The following STRN3 variants were observed in gnomAD, a reference collection of about 807,000 sequenced individuals.
STRN3 encodes striatin-3.
In STRN3, 29 loss-of-function variants were observed where a neutral mutation model predicts 95.6. The observed-to-expected ratio is 0.30, with a 90% CI of 0.23 to 0.41. STRN3 has a LOEUF of 0.41. Ranked by LOEUF, STRN3 falls within the 10% of genes least tolerant of loss-of-function variation. The pLI, the probability that STRN3 is intolerant of heterozygous loss-of-function variation, is 1.00. For missense variants in STRN3, 890 were observed against 972.1 expected, an observed-to-expected ratio of 0.92 and a Z score of 1.12; for synonymous variants, 331 against 357.6, an observed-to-expected ratio of 0.93 and a Z score of 0.84.
At chr14:31,004,973 T>C (rs930651287) in intron 1 of STRN3, among the ~76,000 whole-genome samples, 1 of 151,878 alleles carries the variant, frequency 6.6e-6, no homozygotes, top group Admixed American at 6.6e-5. Flanking sequence ...AGGGCTTCAG[T>C]ATTTAAAGGG....
chr14:30,927,742 C>T (rs990362874), intron 8 of STRN3, among the ~76,000 whole-genome samples: 25 of 151,550 alleles, frequency 1.6e-4, no homozygotes, highest in Non-Finnish European at 2.9e-5. Flanking sequence ...TCCTGGCTAA[C>T]GCAGTAAATC....
At chr14:30,962,774 C>T (rs1880273583) in intron 1 of STRN3, among the ~76,000 whole-genome samples, 1 of 152,048 alleles carries the variant, frequency 6.6e-6, no homozygotes, top group South Asian at 2.1e-4. Context: ...CTCAAGCAAT[C>T]CTCCCTCCTC....
At chr14:31,008,400 C>T (rs1031038948) in intron 1 of STRN3, among the ~76,000 whole-genome samples, 17 of 151,802 alleles carry the variant, frequency 1.1e-4, no homozygotes, top group East Asian at 5.9e-4. Context: ...CCCAGCTGCT[C>T]GGGAGGCTGA....
chr14:30,985,424 T>A (rs1435723373), intron 1 of STRN3, among the ~76,000 whole-genome samples: 1 of 151,966 alleles, frequency 6.6e-6, no homozygotes, highest in Non-Finnish European at 1.5e-5. Context: ...GCCAACATCA[T>A]GAAACCCCGT....
chr14:31,013,290 T>C (rs758255540), intron 1 of STRN3, among the ~76,000 whole-genome samples: 11 of 151,806 alleles, frequency 7.2e-5, no homozygotes, highest in African/African-American at 1.7e-4. Context: ...GGAGGATCAA[T>C]TGAGCCCAGG....
At chr14:30,919,128 A>AGCT in intron 8 of STRN3, 22 bp from the exon 9 acceptor site, 1 of 1,579,540 alleles carries the variant, frequency 6.3e-7, no homozygotes, top group Non-Finnish European at 8.6e-7. Context: ...TGTCAGCAGT[A>AGCT]GAGGTTCATT....
chr14:30,938,085 AT>A (rs1174856560), intron 5 of STRN3, among the ~76,000 whole-genome samples: 3 of 149,500 alleles, frequency 2.0e-5, no homozygotes, highest in Non-Finnish European at 4.5e-5. Flanking sequence ...GTATTATTTT[AT>A]TTTTTAATTG....
At position 30,911,766 on chromosome 14, in the gene STRN3, G is replaced by A; in HGVS notation, c.1598+11C>T. 2 of 1,600,066 alleles carry A rather than the reference G, an allele frequency of 1.2e-6. No individual in the cohort carries two copies. Among genetic ancestry groups the A allele is most frequent in the Non-Finnish European group, 1.7e-6 (2 of 1,173,548 alleles). ...ATGATGTTAATTAAATACCAATTCA[G>A]TAAAACTTACATGTGGGCCCTAAAT... On this transcript the variant is annotated intron_variant, in intron 12 of 17. Coordinates refer to ENST00000357479, the MANE Select transcript of STRN3 (RefSeq NM_001083893.2).
chr14:30,918,257 C>T (rs1054006348), intron 9 of STRN3, among the ~76,000 whole-genome samples: 3 of 152,048 alleles, frequency 2.0e-5, no homozygotes, highest in African/African-American at 7.2e-5. Context: ...CCTGTAATCC[C>T]AGCGCCTTGG....
rs1011261157 is a variant in STRN3, at chr14:30,928,059, G to A, written c.1099+1142C>T. Among the ~76,000 whole-genome samples the A allele has an allele frequency of 2.6e-5, 4 of 151,384 alleles. No homozygotes were observed. The East Asian group carries it at 5.8e-4, about 22-fold the overall frequency. On this transcript the variant is annotated intron_variant, in intron 8 of 17. Transcript: ENST00000357479. ...CTTGCATTATAGGTAAATGATGTTAGAACTAAACACAACCCCAGCCCAGTA... is the reference window on the plus strand; with the variant it reads ...CTTGCATTATAGGTAAATGATGTTAAAACTAAACACAACCCCAGCCCAGTA...
chr14:30,922,181 A>G (rs1896901696), intron 8 of STRN3, among the ~76,000 whole-genome samples: 1 of 151,780 alleles, frequency 6.6e-6, no homozygotes. Flanking sequence ...GCACTACCAC[A>G]CTCAGCTAAT....
intron 5 of STRN3, among the ~76,000 whole-genome samples, chr14:30,941,770 C>G (rs35853939): frequency 0.041 from 6,292 of 152,112 alleles, 172 homozygotes; most frequent in Non-Finnish European, 0.059. Flanking sequence ...GGATTACAGG[C>G]GCCTGCCACC....
At chr14:30,921,069 T>TACAC (rs367677158) in intron 8 of STRN3, among the ~76,000 whole-genome samples, 8,791 of 119,790 alleles carry the variant, frequency 0.073, 332 homozygotes, top group Admixed American at 0.14. Flanking sequence ...TACACATACA[T>TACAC]ATACACACAC....
chr14:30,920,040 T>C (rs779454007), intron 8 of STRN3, among the ~76,000 whole-genome samples: 1 of 152,168 alleles, frequency 6.6e-6, no homozygotes, highest in East Asian at 1.9e-4. Flanking sequence ...TATGACGTTA[T>C]ATTTACTAAC....
intron 1 of STRN3, among the ~76,000 whole-genome samples, chr14:30,989,500 G>A (rs188260228): frequency 6.6e-5 from 10 of 152,124 alleles, no homozygotes; most frequent in African/African-American, 2.2e-4. Context: ...TGGCTCTGTC[G>A]CCCAGGCTGG....
intron 1 of STRN3, among the ~76,000 whole-genome samples, chr14:31,015,723 A>G (rs1324029821): frequency 6.6e-6 from 1 of 152,100 alleles, no homozygotes; most frequent in African/African-American, 2.4e-5. Flanking sequence ...GGCTCTGCAG[A>G]CCTTACTTAT....
chr14:30,996,482 T>C (rs1882202533), intron 1 of STRN3, among the ~76,000 whole-genome samples: 1 of 152,194 alleles, frequency 6.6e-6, no homozygotes, highest in Non-Finnish European at 1.5e-5. Context: ...GTTACTGTTT[T>C]ACGACTCTTT....
At chr14:31,014,693 A>C in intron 1 of STRN3, 1 of 457,710 alleles carries the variant, frequency 2.2e-6, no homozygotes, top group Non-Finnish European at 4.5e-6. Flanking sequence ...CCTTGTGTTT[A>C]CCTTGGTTCC....
At chr14:31,018,437 C>T (rs1883347355) in intron 1 of STRN3, 1 of 399,798 alleles carries the variant, frequency 2.5e-6, no homozygotes, top group Non-Finnish European at 4.9e-6. Context: ...TTTCTCGACC[C>T]TTGTTCCTAT....
Sources: gnomAD v4.1 joint callset for allele counts (sites outside exome capture counted in the v4.1 genomes callset) on GRCh38, gnomAD v4.1.1 for gene constraint, MANE v1.5 for transcripts, NCBI Gene and HGNC (gene_info 2026-07-23, HGNC 2026-07-21) for gene names.